The following NEU4 variants were observed in gnomAD, a reference collection of about 807,000 sequenced individuals.
NEU4 encodes the protein neuraminidase 4.
Under a neutral mutation model 9.9 loss-of-function variants are expected in NEU4, and 7 were observed. The observed-to-expected ratio is 0.71, with a 90% confidence interval of 0.40 to 1.33. The LOEUF is 1.33. NEU4 is among the 40% of genes most tolerant of loss of function. NEU4 has a pLI of 0.01. For synonymous variants in NEU4, 348 were observed against 316.9 expected, an observed-to-expected ratio of 1.10 and a Z score of -1.04; for missense variants, 717 against 712.6, an observed-to-expected ratio of 1.01 and a Z score of -0.07.
In NEU4 at chr2:241,817,266, G is replaced by A. The variant is rs896108998; in HGVS notation, c.*218G>A. The A allele has an allele frequency of 1.7e-5, 9 of 540,990 alleles. No individual in the cohort carries two copies. The highest frequency in any genetic ancestry group is 3.7e-5 in the Admixed American group (1 of 27,152). The allele number at this position is 540,990 out of a possible 1,614,324, so 33.5% of individuals were successfully genotyped here. ...CAGGGTGGGGGCAGGGTGGGGGCAC[G>A]AAGTGGGCCCTGGGTGACCCCCACA... On this transcript the variant is annotated 3_prime_UTR_variant, in exon 4 of 4. Coordinates refer to ENST00000407683, the MANE Select transcript of NEU4 (RefSeq NM_001167600.3).
chr2:241,813,476 C>T (rs530904967), intron 1 of NEU4: 44 of 1,166,364 alleles, frequency 3.8e-5, no homozygotes, highest in South Asian at 3.7e-4. Context: ...CGCTCGGCTC[C>T]GTCTGCCTTT....
chr2:241,809,359 CCTGT>C, intron 1 of NEU4, 85 bp downstream of exon 1: 4 of 736,100 alleles, frequency 5.4e-6, no homozygotes, highest in Non-Finnish European at 6.0e-6. Flanking sequence ...TTGAGAACAG[CCTGT>C]CCGGGCTGTG....
rs758005046 is a variant in NEU4 at position 241,814,663 on chromosome 2, C to T, written c.179C>T (p.Thr60Met). ...HAHRLVLRRG[T>M]LAGGSVRWGA... Reference sequence around the variant, plus strand: ...CACCGCCTGGTGCTGAGGAGGGGCACGCTGGCCGGGGGCTCCGTGCGGGTG... The same window carrying T: ...CACCGCCTGGTGCTGAGGAGGGGCATGCTGGCCGGGGGCTCCGTGCGGGTG... The change falls in exon 2 of 4, where the codon ACG (threonine) becomes ATG (methionine). Residue 60 changes from threonine (T) to methionine (M), a missense_variant. Transcript: ENST00000407683. The T allele has an allele frequency of 2.5e-5, 39 of 1,563,540 alleles. No individual in the cohort carries two copies. Among genetic ancestry groups the T allele is most frequent in the Admixed American group, 5.7e-5 (3 of 52,606 alleles).
chr2:241,811,480 C>T, intron 1 of NEU4: 1 of 1,533,322 alleles, frequency 6.5e-7, no homozygotes, highest in Non-Finnish European at 8.9e-7. Context: ...CTGCCCTTTG[C>T]ACCCCCAGCA....
At chr2:241,814,179 G>A (rs1319123551) in intron 1 of NEU4, 2 of 645,068 alleles carry the variant, frequency 3.1e-6, no homozygotes, top group Admixed American at 2.2e-5. Flanking sequence ...AGCCTCCCCT[G>A]CACCCTGGCA....
chr2:241,814,306 G>C, intron 1 of NEU4, 176 bp from the exon 2 acceptor site: 1 of 639,628 alleles, frequency 1.6e-6, no homozygotes, highest in East Asian at 2.8e-5. Context: ...GGCTGCTCCA[G>C]ATCTGGGGTG....
At chr2:241,811,515 C>G (rs181497423) in intron 1 of NEU4, 1 of 1,431,826 alleles carries the variant, frequency 7.0e-7, no homozygotes, top group African/African-American at 1.5e-5. Context: ...CCCGGGCGCC[C>G]GGGGTCAGGA....
intron 1 of NEU4, chr2:241,813,425 T>C: frequency 9.0e-7 from 1 of 1,111,968 alleles, no homozygotes. Flanking sequence ...TCCCACTGTC[T>C]GCAGCTGTGC....
At chr2:241,812,074 C>T (rs73014015) in intron 1 of NEU4, 73 of 75,822 alleles carry the variant, frequency 9.6e-4, no homozygotes, top group African/African-American at 3.5e-3. Flanking sequence ...AGGGTGTGCG[C>T]GGACCCCAGA....
intron 1 of NEU4, chr2:241,810,901 G>A (rs1039071384): frequency 2.0e-6 from 2 of 986,612 alleles, no homozygotes; most frequent in Non-Finnish European, 2.4e-6. Context: ...TGCTGGGGAG[G>A]GGTCACCCTG....
chr2:241,812,618 G>C (rs1700166970), intron 1 of NEU4, among the ~76,000 whole-genome samples: 1 of 136,188 alleles, frequency 7.3e-6, no homozygotes, highest in Non-Finnish European at 1.6e-5. Flanking sequence ...TGAGGACACA[G>C]AGTCTCTGTG....
chr2:241,815,633 C>A (rs921180412), intron 3 of NEU4: 12 of 514,880 alleles, frequency 2.3e-5, no homozygotes, highest in Non-Finnish European at 3.8e-5. Context: ...CCCTTCTCAC[C>A]CTGCCCAGGG....
rs928973897 is a variant in NEU4 at position 241,817,411 on chromosome 2, G to A, written c.*363G>A. The A allele has an allele frequency of 2.2e-5, 7 of 315,216 alleles. No homozygotes were observed. Among genetic ancestry groups the A allele is most frequent in the East Asian group, 1.1e-4 (2 of 18,936 alleles). 19.5% of individuals were successfully genotyped at this position (315,216 alleles called of 1,614,324 possible). A position where few individuals can be genotyped will look rare whatever the true frequency, so the allele number is the denominator to read the frequency against. On this transcript the variant is annotated 3_prime_UTR_variant, in exon 4 of 4. Coordinates refer to ENST00000407683, the MANE Select transcript of NEU4 (RefSeq NM_001167600.3). ...GAAATAAAGGAATCGTGCTTGTGTC[G>A]GGGTAGACGTTTCTTTCCTTTTCAG...
chr2:241,811,489 C>T, intron 1 of NEU4: 1 of 1,515,842 alleles, frequency 6.6e-7, no homozygotes, highest in East Asian at 2.6e-5. Context: ...GCACCCCCAG[C>T]ACCCTCACCC....
chr2:241,816,476 A>T lies in NEU4; in HGVS notation c.883A>T (p.Ser295Cys). 1 of 1,609,810 alleles carries T rather than the reference A, an allele frequency of 6.2e-7. No individual in the cohort carries two copies. Among genetic ancestry groups the T allele is most frequent in the South Asian group, 1.1e-5 (1 of 90,582 alleles). The change falls in exon 4 of 4, where the codon AGT becomes TGT. Residue 295 changes from serine to cysteine, a missense_variant. Ser to Cys is a moderately radical substitution (Grantham distance 112). Transcript: ENST00000407683. ...CGCCCCCAACAGGCCACGGGATGAC[A>T]GTTGGTCAGTGGGCCCCGGGAGTCC... ...APAPNRPRDD[S>C]WSVGPGSPLQ...
At chr2:241,813,853 C>G (rs1700204275) in intron 1 of NEU4, 1 of 304,890 alleles carries the variant, frequency 3.3e-6, no homozygotes, top group Non-Finnish European at 6.6e-6. Context: ...CGTGACTCCC[C>G]CGATGACGTT....
At chr2:241,811,107 G>T in intron 1 of NEU4, 1 of 1,195,540 alleles carries the variant, frequency 8.4e-7, no homozygotes, top group Non-Finnish European at 1.0e-6. Context: ...CAGCAGACCC[G>T]TGTCCCTCTG....
chr2:241,810,526 AG>A, intron 1 of NEU4: 1 of 152,388 alleles, frequency 6.6e-6, no homozygotes, highest in Non-Finnish European at 1.5e-5. Context: ...TTCGCAGGGG[AG>A]GGAGGGACAG....
chr2:241,817,120 C>T lies in NEU4; in HGVS notation c.*72C>T, dbSNP rs1700381818. On this transcript the variant is annotated 3_prime_UTR_variant, in exon 4 of 4. Transcript: ENST00000407683. Reference sequence around the variant, plus strand: ...GGGTGGAATACGTTGGGGTGCCCCACGATAGCTGTGGGGGGGGCTCTTAGT... The same window carrying T: ...GGGTGGAATACGTTGGGGTGCCCCATGATAGCTGTGGGGGGGGCTCTTAGT... 6 of 1,420,700 alleles carry T rather than the reference C, an allele frequency of 4.2e-6. No homozygotes were observed. The highest frequency in any genetic ancestry group is 4.6e-6 in the Non-Finnish European group (5 of 1,076,786). The allele number at this position is 1,420,700 out of a possible 1,614,324, so 88.0% of individuals were successfully genotyped here. A position where few individuals can be genotyped will look rare whatever the true frequency, so the allele number is the denominator to read the frequency against.
Sources: gnomAD v4.1 joint callset for allele counts (sites outside exome capture counted in the v4.1 genomes callset) on GRCh38, gnomAD v4.1.1 for gene constraint, MANE v1.5 for transcripts, NCBI Gene and HGNC (gene_info 2026-07-23, HGNC 2026-07-21) for gene names.